The following PPP4R2 variants were observed in gnomAD, a reference collection of about 807,000 sequenced individuals.
PPP4R2 encodes the protein protein phosphatase 4 regulatory subunit 2, also known as serine/threonine-protein phosphatase 4 regulatory subunit 2.
PPP4R2 carries 13 observed loss-of-function variants against 47.2 expected under a neutral mutation model. The ratio of observed to expected loss-of-function variants is 0.28; its 90% confidence interval spans 0.18 to 0.44. The LOEUF is 0.44. PPP4R2 is among the 20% of genes least tolerant of loss of function. The probability of loss-of-function intolerance (pLI) is 1.00; values close to 1 mark genes in which losing one functional copy is unlikely to be tolerated. For synonymous variants in PPP4R2, 151 were observed against 163.3 expected (o/e 0.92, Z 0.57); for missense variants, 421 against 491.2 (o/e 0.86, Z 1.35).
In PPP4R2 at chr3:73,027,404, G is replaced by A. The variant is rs147819981; in HGVS notation, c.117-19782G>A. Among the ~76,000 whole-genome samples, 656 of 152,330 alleles carry A rather than the reference G, an allele frequency of 4.3e-3. 3 individuals carry two copies. The highest frequency in any genetic ancestry group is 0.015 in the African/African-American group (624 of 41,566). On this transcript the variant is annotated intron_variant, in intron 2 of 8. Transcript: ENST00000356692. ...GCCTCCTAAAGTGCTGGGATTACAG[G>A]CGTGAGCCCCGCTCCCAGCTATTCC...
chr3:72,997,266 T>C, intron 1 of PPP4R2, 195 bp downstream of exon 1: 1 of 421,078 alleles, frequency 2.4e-6, no homozygotes, highest in Non-Finnish European at 4.2e-6. Flanking sequence ...TCTGGCTTTG[T>C]GTCGGCCGCC....
At chr3:73,063,779 T>A (rs1702925185) in intron 6 of PPP4R2, 32 bp downstream of exon 6, 1 of 1,419,400 alleles carries the variant, frequency 7.0e-7, no homozygotes, top group African/African-American at 1.4e-5. Context: ...ACCTACAGAG[T>A]TTGCATTGTC....
chr3:73,012,847 A>G (rs1450799938), intron 2 of PPP4R2, among the ~76,000 whole-genome samples: 2 of 150,940 alleles, frequency 1.3e-5, no homozygotes, highest in Non-Finnish European at 2.9e-5. Context: ...GGGCTTTTGC[A>G]TACTAGAGTG....
chr3:73,037,784 CTG>C (rs768654173), intron 2 of PPP4R2, among the ~76,000 whole-genome samples: 12 of 152,208 alleles, frequency 7.9e-5, no homozygotes, highest in Admixed American at 7.9e-4. Flanking sequence ...TAAACCTACA[CTG>C]TGATCTTTAG....
At chr3:73,005,600 G>C (rs1701591950) in intron 2 of PPP4R2, among the ~76,000 whole-genome samples, 1 of 151,932 alleles carries the variant, frequency 6.6e-6, no homozygotes, top group Admixed American at 6.6e-5. Flanking sequence ...TGTAATCCCA[G>C]CAGTTTGGGA....
At chr3:73,018,941 G>A (rs961625560) in intron 2 of PPP4R2, among the ~76,000 whole-genome samples, 1 of 152,050 alleles carries the variant, frequency 6.6e-6, no homozygotes, top group African/African-American at 2.4e-5. Context: ...TCTACTTGTG[G>A]TTCTGTAAGT....
intron 2 of PPP4R2, among the ~76,000 whole-genome samples, chr3:73,039,608 C>T (rs985189524): frequency 6.6e-5 from 10 of 152,162 alleles, no homozygotes; most frequent in South Asian, 2.1e-4. Context: ...TCCCAAGGAA[C>T]ATTTGATAAT....
intron 3 of PPP4R2, among the ~76,000 whole-genome samples, chr3:73,054,952 T>G (rs957613669): frequency 4.6e-5 from 7 of 152,292 alleles, no homozygotes; most frequent in African/African-American, 1.7e-4. Flanking sequence ...TCCCTGATAT[T>G]CAGCAACTTT....
chr3:73,045,801 A>G (rs982254794), intron 2 of PPP4R2, among the ~76,000 whole-genome samples: 1 of 152,076 alleles, frequency 6.6e-6, no homozygotes, highest in Admixed American at 6.6e-5. Flanking sequence ...GAGCCATCAC[A>G]CCCAGTCTGC....
At chr3:73,054,787 C>G (rs1169243124) in intron 3 of PPP4R2, among the ~76,000 whole-genome samples, 1 of 152,046 alleles carries the variant, frequency 6.6e-6, no homozygotes, top group African/African-American at 2.4e-5. Context: ...GAAGTGCGCA[C>G]TTATTTTTTG....
rs1046781477 is a variant in PPP4R2 at position 73,055,515 on chromosome 3, TA to T, written c.288-3516del. Among the ~76,000 whole-genome samples, 5 of 151,376 alleles carry T rather than the reference TA, an allele frequency of 3.3e-5. No individual in the cohort carries two copies. The South Asian group carries it at 1.0e-3, about 32-fold the overall frequency. On this transcript the variant is annotated intron_variant, in intron 3 of 8. Coordinates refer to ENST00000356692, the MANE Select transcript of PPP4R2 (RefSeq NM_174907.4). Reference sequence around the variant, plus strand: ...TCCTTAATGTGTGGGGCGGGGGGTTTAAAAAATGTTACTGGATGTTGTAGGC... The same window carrying T: ...TCCTTAATGTGTGGGGCGGGGGGTTTAAAAATGTTACTGGATGTTGTAGGC...
In PPP4R2 at chr3:73,066,041, A is replaced by G. The variant is rs1702988599; in HGVS notation, c.*319A>G. The G allele has an allele frequency of 6.0e-6, 1 of 166,990 alleles. No individual in the cohort carries two copies. The highest frequency in any genetic ancestry group is 1.3e-5 in the Non-Finnish European group (1 of 78,690). The allele number at this position is 166,990 out of a possible 1,614,324, so 10.3% of individuals were successfully genotyped here. Reference sequence around the variant, plus strand: ...AACTGGAAAGTAATTACAATTTTGAAAAGTTTTTTGAGATTATCACATTTA... The same window carrying G: ...AACTGGAAAGTAATTACAATTTTGAGAAGTTTTTTGAGATTATCACATTTA... On this transcript the variant is annotated 3_prime_UTR_variant, in exon 9 of 9. Coordinates refer to ENST00000356692, the MANE Select transcript of PPP4R2 (RefSeq NM_174907.4).
At chr3:73,061,117 GCTT>G in intron 5 of PPP4R2, 57 bp downstream of exon 5, 1 of 760,882 alleles carries the variant, frequency 1.3e-6, no homozygotes, top group South Asian at 2.3e-5. Context: ...TCATTTTATT[GCTT>G]CTAATATATT....
At chr3:73,054,868 G>T (rs1353926316) in intron 3 of PPP4R2, among the ~76,000 whole-genome samples, 1 of 152,076 alleles carries the variant, frequency 6.6e-6, no homozygotes, top group East Asian at 1.9e-4. Context: ...TATTTCTTTA[G>T]TGTTTAGCCT....
At chr3:73,009,187 G>A (rs1312190224) in intron 2 of PPP4R2, among the ~76,000 whole-genome samples, 1 of 152,140 alleles carries the variant, frequency 6.6e-6, no homozygotes, top group East Asian at 1.9e-4. Context: ...AAGCTTAGAG[G>A]AATCTCTGTG....
intron 2 of PPP4R2, among the ~76,000 whole-genome samples, chr3:73,044,689 TG>T (rs1177668692): frequency 1.3e-5 from 2 of 152,214 alleles, no homozygotes; most frequent in African/African-American, 4.8e-5. Flanking sequence ...TATTGTGATT[TG>T]GATTTACATT....
At chr3:73,012,588 A>C (rs575464991) in intron 2 of PPP4R2, among the ~76,000 whole-genome samples, 13 of 152,244 alleles carry the variant, frequency 8.5e-5, no homozygotes, top group Non-Finnish European at 1.8e-4. Context: ...GGCGTGAGCC[A>C]CTGCGCCCAG....
chr3:73,052,407 G>A (rs932781121), intron 3 of PPP4R2, among the ~76,000 whole-genome samples: 5 of 151,904 alleles, frequency 3.3e-5, no homozygotes, highest in African/African-American at 1.2e-4. Flanking sequence ...TAATGAAATG[G>A]TCAATTAAAA....
intron 2 of PPP4R2, among the ~76,000 whole-genome samples, chr3:73,032,534 G>A (rs1253008973): frequency 2.0e-5 from 3 of 152,034 alleles, no homozygotes; most frequent in South Asian, 4.1e-4. Context: ...TGATCTGCCC[G>A]CCCTGGCCTC....
Sources: gnomAD v4.1 joint callset for allele counts (sites outside exome capture counted in the v4.1 genomes callset) on GRCh38, gnomAD v4.1.1 for gene constraint, MANE v1.5 for transcripts, NCBI Gene and HGNC (gene_info 2026-07-23, HGNC 2026-07-21) for gene names.